The following KCNIP1 variants were observed in gnomAD, a reference collection of about 807,000 sequenced individuals.
KCNIP1 encodes the protein A-type potassium channel modulatory protein KCNIP1.
Under a neutral mutation model 33.0 loss-of-function variants are expected in KCNIP1, and 18 were observed. The observed-to-expected ratio is 0.55, with a 90% CI of 0.38 to 0.81. The LOEUF (loss-of-function observed/expected upper bound fraction) is 0.81, where lower values mean the gene tolerates loss of function less well. KCNIP1 is among the 30% of genes least tolerant of loss of function. The pLI, the probability that KCNIP1 is intolerant of heterozygous loss-of-function variation, is 0.00. For missense variants in KCNIP1, 238 were observed against 271.6 expected (o/e 0.88, Z 0.87); for synonymous variants, 93 against 98.3 (o/e 0.95, Z 0.32).
At chr5:170,510,349 A>T (rs6872557) in intron 1 of KCNIP1, among the ~76,000 whole-genome samples, 1 of 152,194 alleles carries the variant, frequency 6.6e-6, no homozygotes, top group African/African-American at 2.4e-5. Context: ...TCCAGGCTTG[A>T]TGGATGCTGG....
chr5:170,491,391 T>A (rs893282428), intron 1 of KCNIP1, among the ~76,000 whole-genome samples: 3 of 152,208 alleles, frequency 2.0e-5, no homozygotes, highest in Non-Finnish European at 4.4e-5. Context: ...TTTAAACACA[T>A]ACACCTGCTT....
intron 1 of KCNIP1, among the ~76,000 whole-genome samples, chr5:170,494,870 T>C (rs1581241802): frequency 6.6e-6 from 1 of 152,204 alleles, no homozygotes; most frequent in East Asian, 1.9e-4. Context: ...ACTCTACAGA[T>C]CACTCAAGCT....
rs370032288 is a variant in KCNIP1 at position 170,522,917 on chromosome 5, G to A, written c.61+18284G>A. 3.3e-5 allele frequency among the ~76,000 whole-genome samples: 5 copies of A among 152,342 alleles called. No homozygotes were observed. The East Asian group carries it at 9.6e-4, about 29-fold the overall frequency. On this transcript the variant is annotated intron_variant, in intron 1 of 7. Transcript: ENST00000328939. ...CAGGACTTGGAACAAAGGAATCTTG[G>A]CGCTTTGATGATCGTGTCTGCAGCA... is the stretch of plus-strand genomic sequence containing the variant.
Position 170,504,734 on chromosome 5 carries a change from C to G in KCNIP1, c.61+101C>G. 1.0e-6 allele frequency: 1 copy of G among 953,740 alleles called. No individual in the cohort carries two copies. Among genetic ancestry groups the G allele is most frequent in the Non-Finnish European group, 1.7e-6 (1 of 591,710 alleles). 59.1% of individuals were successfully genotyped at this position (953,740 alleles called of 1,614,324 possible). On this transcript the variant is annotated intron_variant, in intron 1 of 7. Transcript: ENST00000328939. This position sits in a 1 kb window ranked among gnomAD's most constrained non-coding sequence, Gnocchi z 6.0. ...CCTCCCTTAGTCCGGACTCTCCTCT[C>G]CACGAGGAGCCCGGACAGGTGCTTG...
At chr5:170,671,419 A>T (rs891363232) in intron 1 of KCNIP1, among the ~76,000 whole-genome samples, 8 of 151,870 alleles carry the variant, frequency 5.3e-5, no homozygotes, top group Non-Finnish European at 1.0e-4. Flanking sequence ...CCCACCTACC[A>T]CCTAGTTAAT....
At chr5:170,531,806 C>A (rs1437692214) in intron 1 of KCNIP1, among the ~76,000 whole-genome samples, 2 of 136,040 alleles carry the variant, frequency 1.5e-5, no homozygotes, top group Non-Finnish European at 3.1e-5. Flanking sequence ...CACCCCCTGT[C>A]CTAAGCCCCA....
chr5:170,721,776 G>A (rs746009554), intron 3 of KCNIP1, 57 bp from the exon 4 acceptor site: 1 of 1,614,088 alleles, frequency 6.2e-7, no homozygotes, highest in South Asian at 1.1e-5. Context: ...TGTTTGGAAG[G>A]TTCTCCCTGT....
chr5:170,451,823 G>C (rs997288974), intron 1 of KCNIP1, among the ~76,000 whole-genome samples: 4 of 151,610 alleles, frequency 2.6e-5, no homozygotes, highest in Non-Finnish European at 5.9e-5. Context: ...GACTGGGCAT[G>C]TCTCATCTGG....
intron 1 of KCNIP1, among the ~76,000 whole-genome samples, chr5:170,538,725 C>T (rs1346251013): frequency 1.3e-5 from 2 of 151,598 alleles, no homozygotes; most frequent in Non-Finnish European, 2.9e-5. Flanking sequence ...CCACAGGATG[C>T]TCAATGCTCC....
At position 170,537,992 on chromosome 5, in the gene KCNIP1, A is replaced by G. The variant is rs140333394; in HGVS notation, c.61+33359A>G. On this transcript the variant is annotated intron_variant, in intron 1 of 7. Transcript: ENST00000328939. ...CCCTTCAGGCACTTAAAGCAGGAGT[A>G]ATGAACACTGATGAGTTCAGCTCAG... Among the ~76,000 whole-genome samples the G allele has an allele frequency of 5.4e-3, 823 of 152,368 alleles. 8 individuals are homozygous for G. Among genetic ancestry groups the G allele is most frequent in the African/African-American group, 0.019 (777 of 41,578 alleles).
At chr5:170,659,317 C>T (rs1222510782) in intron 1 of KCNIP1, among the ~76,000 whole-genome samples, 1 of 152,140 alleles carries the variant, frequency 6.6e-6, no homozygotes, top group African/African-American at 2.4e-5. Context: ...CCACAAGAAA[C>T]AGAGGGACAC....
intron 1 of KCNIP1, among the ~76,000 whole-genome samples, chr5:170,707,390 G>C (rs976110516): frequency 3.9e-5 from 6 of 152,126 alleles, no homozygotes; most frequent in Non-Finnish European, 8.8e-5. Context: ...ACATCTTTTA[G>C]GGCTGCTGCT....
chr5:170,552,760 G>A (rs1425744018), intron 1 of KCNIP1, among the ~76,000 whole-genome samples: 1 of 152,222 alleles, frequency 6.6e-6, no homozygotes, highest in Non-Finnish European at 1.5e-5. Context: ...AAGGGCTTAC[G>A]CAGGACTGAC....
At chr5:170,707,473 G>A (rs1763297980) in intron 1 of KCNIP1, among the ~76,000 whole-genome samples, 1 of 152,220 alleles carries the variant, frequency 6.6e-6, no homozygotes, top group Non-Finnish European at 1.5e-5. Flanking sequence ...ATATCTGGAT[G>A]AATGTAACAC....
intron 1 of KCNIP1, among the ~76,000 whole-genome samples, chr5:170,366,677 G>A (rs1763669039): frequency 6.6e-6 from 1 of 152,218 alleles, no homozygotes; most frequent in Non-Finnish European, 1.5e-5. Context: ...GGAAACTGAG[G>A]CCAGAGCAAG....
At chr5:170,549,590 A>G (rs1756535142) in intron 1 of KCNIP1, among the ~76,000 whole-genome samples, 1 of 152,262 alleles carries the variant, frequency 6.6e-6, no homozygotes, top group Non-Finnish European at 1.5e-5. Context: ...AAACCATTGA[A>G]CACTTGATTT....
intron 1 of KCNIP1, among the ~76,000 whole-genome samples, chr5:170,626,942 A>AT (rs1759853470): frequency 6.6e-6 from 1 of 152,216 alleles, no homozygotes; most frequent in Non-Finnish European, 1.5e-5. Context: ...AGCTGAGAGC[A>AT]GGCACCTGAG....
At chr5:170,552,946 G>A (rs1253543734) in intron 1 of KCNIP1, among the ~76,000 whole-genome samples, 13 of 152,238 alleles carry the variant, frequency 8.5e-5, no homozygotes, top group Admixed American at 8.5e-4. Context: ...CAGGACCCCA[G>A]CAGCCAGCCT....
At chr5:170,547,297 C>T (rs1561680250) in intron 1 of KCNIP1, among the ~76,000 whole-genome samples, 1 of 152,186 alleles carries the variant, frequency 6.6e-6, no homozygotes, top group African/African-American at 2.4e-5. Flanking sequence ...TTATAACTAT[C>T]TAAGAGTTTA....
Sources: gnomAD v4.1 joint callset for allele counts (sites outside exome capture counted in the v4.1 genomes callset) on GRCh38, gnomAD v4.1.1 for gene constraint, Gnocchi (gnomAD v3.1) non-coding constraint, MANE v1.5 for transcripts, NCBI Gene and HGNC (gene_info 2026-07-23, HGNC 2026-07-21) for gene names.